The following GRM5 variants were observed in gnomAD, a reference collection of about 807,000 sequenced individuals.
The protein encoded by GRM5 is metabotropic glutamate receptor 5.
GRM5 carries 19 observed loss-of-function variants against 83.1 expected under a neutral mutation model. The ratio of observed to expected loss-of-function variants is 0.23; its 90% CI spans 0.16 to 0.34. The LOEUF (loss-of-function observed/expected upper bound fraction) is 0.34. Ranked by LOEUF, GRM5 falls within the 10% of genes least tolerant of loss-of-function variation. The pLI is 1.00. For missense variants in GRM5, 1,160 were observed against 1,588.3 expected (o/e 0.73, Z 4.58); for synonymous variants, 675 against 633.6 (o/e 1.07, Z -0.98).
intron 3 of GRM5, among the ~76,000 whole-genome samples, chr11:88,799,888 A>G (rs1409350425): frequency 2.0e-5 from 3 of 152,152 alleles, no homozygotes; most frequent in South Asian, 4.1e-4. Flanking sequence ...AATAATCCCA[A>G]TTGAAACAGT....
At chr11:88,920,934 T>C (rs1434833455) in intron 2 of GRM5, among the ~76,000 whole-genome samples, 1 of 152,200 alleles carries the variant, frequency 6.6e-6, no homozygotes, top group Non-Finnish European at 1.5e-5. Context: ...CATTCTTATT[T>C]TTTAAAAACA....
intron 3 of GRM5, among the ~76,000 whole-genome samples, chr11:88,779,560 C>T (rs780605444): frequency 6.6e-6 from 1 of 152,012 alleles, no homozygotes; most frequent in Non-Finnish European, 1.5e-5. Context: ...CTTTCAGAAA[C>T]AAGAGGAAAT....
intron 2 of GRM5, among the ~76,000 whole-genome samples, chr11:88,895,299 G>A (rs189520228): frequency 6.6e-6 from 1 of 151,954 alleles, no homozygotes; most frequent in African/African-American, 2.4e-5. Flanking sequence ...GTAAAGTGGA[G>A]GTAACCCTAC....
intron 3 of GRM5, among the ~76,000 whole-genome samples, chr11:88,803,767 A>C (rs1943445103): frequency 6.6e-6 from 1 of 152,094 alleles, no homozygotes; most frequent in Non-Finnish European, 1.5e-5. Flanking sequence ...AATGGGAGAA[A>C]ATTTTCGCAA....
chr11:88,988,178 G>A (rs1049483729), intron 2 of GRM5, among the ~76,000 whole-genome samples: 6 of 151,862 alleles, frequency 4.0e-5, no homozygotes, highest in Non-Finnish European at 5.9e-5. Context: ...AGCTGATGGA[G>A]CTGAAAACCA....
intron 8 of GRM5, among the ~76,000 whole-genome samples, chr11:88,539,205 C>T (rs1196266398): frequency 6.6e-6 from 1 of 152,146 alleles, no homozygotes; most frequent in Admixed American, 6.5e-5. Context: ...GTATCAGGGT[C>T]CCTCACTCAC....
chr11:88,621,478 C>A (rs1938632486), intron 4 of GRM5, among the ~76,000 whole-genome samples: 1 of 152,006 alleles, frequency 6.6e-6, no homozygotes, highest in Admixed American at 6.6e-5. Context: ...ATAATACTTT[C>A]TTTTAGAGTT....
At chr11:88,994,737 A>C (rs539096869) in intron 2 of GRM5, among the ~76,000 whole-genome samples, 19 of 151,686 alleles carry the variant, frequency 1.3e-4, no homozygotes, top group African/African-American at 4.6e-4. Flanking sequence ...GTTTTTTTAC[A>C]AAATCATTGT....
intron 2 of GRM5, among the ~76,000 whole-genome samples, chr11:88,948,708 C>T (rs1402807645): frequency 6.6e-6 from 1 of 151,954 alleles, no homozygotes; most frequent in Non-Finnish European, 1.5e-5. Context: ...AACTAATTTC[C>T]AAAAGAAAAT....
intron 3 of GRM5, among the ~76,000 whole-genome samples, chr11:88,750,829 G>A (rs1942253429): frequency 6.6e-6 from 1 of 151,998 alleles, no homozygotes; most frequent in Non-Finnish European, 1.5e-5. Flanking sequence ...TGACTCTTGG[G>A]TAAATAATGA....
intron 3 of GRM5, among the ~76,000 whole-genome samples, chr11:88,748,174 G>A (rs11021157): frequency 0.15 from 22,285 of 152,054 alleles, 1,909 homozygotes; most frequent in African/African-American, 0.23. Context: ...GATCCCCACC[G>A]GGGCTTTGGG....
At chr11:88,551,564 C>T (rs1404686788) in intron 8 of GRM5, among the ~76,000 whole-genome samples, 4 of 152,090 alleles carry the variant, frequency 2.6e-5, no homozygotes, top group African/African-American at 4.8e-5. Flanking sequence ...AAGGCAGATT[C>T]GATTCTTATT....
At chr11:88,576,580 C>T (rs1354492566) in intron 7 of GRM5, among the ~76,000 whole-genome samples, 1 of 152,054 alleles carries the variant, frequency 6.6e-6, no homozygotes, top group Non-Finnish European at 1.5e-5. Context: ...GCCTTTTACT[C>T]TATGTCTCAA....
intron 4 of GRM5, among the ~76,000 whole-genome samples, chr11:88,646,888 T>C (rs112077991): frequency 1.9e-3 from 183 of 95,124 alleles, no homozygotes; most frequent in Admixed American, 6.2e-3. Context: ...TTTCTAAGGT[T>C]GCCATTACAA....
intron 3 of GRM5, among the ~76,000 whole-genome samples, chr11:88,736,897 T>G (rs1261564686): frequency 6.6e-6 from 1 of 152,072 alleles, no homozygotes; most frequent in African/African-American, 2.4e-5. Flanking sequence ...CTGACCCCTA[T>G]GCTAAGTTTC....
intron 4 of GRM5, among the ~76,000 whole-genome samples, chr11:88,633,214 A>G (rs955904454): frequency 5.3e-5 from 8 of 152,180 alleles, no homozygotes; most frequent in African/African-American, 1.9e-4. Context: ...ATGGCTTTTC[A>G]TTTTGCTCAT....
At chr11:88,825,833 T>C (rs75038713) in intron 3 of GRM5, among the ~76,000 whole-genome samples, 1,709 of 152,294 alleles carry the variant, frequency 0.011, 26 homozygotes, top group African/African-American at 0.038. Flanking sequence ...CAAATAACAC[T>C]ACATGTTTTC....
chr11:88,758,260 T>A (rs1281225934), intron 3 of GRM5, among the ~76,000 whole-genome samples: 1 of 152,116 alleles, frequency 6.6e-6, no homozygotes, highest in Non-Finnish European at 1.5e-5. Flanking sequence ...CAGTAGTATT[T>A]GAAATTGGGT....
Position 88,604,962 on chromosome 11 carries a change from A to T in GRM5, c.1150T>A (p.Ser384Thr). ...NSKYNKTCNSSLTLKTHHVQD... is the reference protein window; with the variant it reads ...NSKYNKTCNSTLTLKTHHVQD... ...ACATGATGTGTTTTCAGAGTCAGAG[A>T]ACCTGTTGGGAAACAAATTAAGCAT... is the stretch of plus-strand genomic sequence containing the variant. Residue 384 changes from serine (S) to threonine (T), a missense_variant and splice_region_variant, in exon 5 of 10, where the codon TCT becomes ACT. Coordinates refer to ENST00000305447, the MANE Select transcript of GRM5 (RefSeq NM_001143831.3). 6.2e-7 allele frequency: 1 copy of T among 1,611,926 alleles called. No homozygotes were observed. Among genetic ancestry groups the T allele is most frequent in the Non-Finnish European group, 8.5e-7 (1 of 1,178,280 alleles).
Sources: gnomAD v4.1 joint callset for allele counts (sites outside exome capture counted in the v4.1 genomes callset) on GRCh38, gnomAD v4.1.1 for gene constraint, MANE v1.5 for transcripts, NCBI Gene and HGNC (gene_info 2026-07-23, HGNC 2026-07-21) for gene names.